Variants in CSMD3 observed in about 807,000 individuals in gnomAD.
The protein encoded by CSMD3 is CUB and Sushi multiple domains 3.
CSMD3 carries 177 observed loss-of-function variants against 435.2 expected under a neutral mutation model. The observed-to-expected ratio is 0.41, with a 90% CI of 0.36 to 0.46. The LOEUF (loss-of-function observed/expected upper bound fraction) is 0.46, where lower values mean the gene tolerates loss of function less well. CSMD3 is among the 20% of genes least tolerant of loss of function. The pLI is 0.34. For missense variants in CSMD3, 4,265 were observed against 4,504.6 expected, an observed-to-expected ratio of 0.95 and a Z score of 1.52; for synonymous variants, 1,656 against 1,520.5, an observed-to-expected ratio of 1.09 and a Z score of -2.07.
At chr8:113,392,155 T>C (rs2094463648) in intron 1 of CSMD3, among the ~76,000 whole-genome samples, 1 of 152,114 alleles carries the variant, frequency 6.6e-6, no homozygotes, top group Admixed American at 6.6e-5. Flanking sequence ...AATTTTTGTT[T>C]AAGGTGCTGT....
chr8:112,732,227 AAGATGCT>A (rs1259229491), intron 13 of CSMD3, among the ~76,000 whole-genome samples: 4 of 152,128 alleles, frequency 2.6e-5, no homozygotes, highest in Admixed American at 2.6e-4. Flanking sequence ...TCTTGCCTTC[AAGATGCT>A]AAGGAAGTAA....
chr8:113,364,343 ATAT>A (rs1451884318), intron 1 of CSMD3, among the ~76,000 whole-genome samples: 1 of 152,070 alleles, frequency 6.6e-6, no homozygotes, highest in Non-Finnish European at 1.5e-5. Flanking sequence ...GTTGAGGAGA[ATAT>A]TATTATCATA....
chr8:113,271,629 T>C (rs994474083), intron 3 of CSMD3, among the ~76,000 whole-genome samples: 2 of 152,156 alleles, frequency 1.3e-5, no homozygotes, highest in African/African-American at 4.8e-5. Context: ...GGCAAAAGTT[T>C]GCTGCAGGGG....
At position 112,335,492 on chromosome 8, in the gene CSMD3, G is replaced by A. The variant is rs2130949375; in HGVS notation, c.7020-18C>T. 1 of 1,612,416 alleles carries A rather than the reference G, an allele frequency of 6.2e-7. No homozygotes were observed. Among genetic ancestry groups the A allele is most frequent in the Non-Finnish European group, 8.5e-7 (1 of 1,178,556 alleles). On this transcript the variant is annotated intron_variant, in intron 44 of 70. Transcript: ENST00000297405. ...GTCCATCCCTATGAGACAAGGATTG[G>A]GAAAGGAGGAGAGATCAAGATTGAT...
intron 5 of CSMD3, among the ~76,000 whole-genome samples, chr8:113,032,771 T>G (rs898211534): frequency 2.0e-5 from 3 of 151,472 alleles, no homozygotes; most frequent in African/African-American, 7.3e-5. Context: ...GGAAAATGTC[T>G]CCAGGGCATG....
chr8:113,019,184 A>G lies in CSMD3; in HGVS notation c.918-5T>C. ...GGTATATTCATTCCAGATAACCTGA[A>G]TTACAAAAGACAACAACAAAAAAAT... On this transcript the variant is annotated splice_polypyrimidine_tract_variant and splice_region_variant and intron_variant, in intron 5 of 70. Coordinates refer to ENST00000297405, the MANE Select transcript of CSMD3 (RefSeq NM_198123.2). 6.3e-7 allele frequency: 1 copy of G among 1,586,650 alleles called. No individual in the cohort carries two copies. Among genetic ancestry groups the G allele is most frequent in the African/African-American group, 1.3e-5 (1 of 74,468 alleles).
intron 27 of CSMD3, among the ~76,000 whole-genome samples, chr8:112,537,160 A>G (rs1222797635): frequency 6.6e-6 from 1 of 152,026 alleles, no homozygotes; most frequent in Non-Finnish European, 1.5e-5. Context: ...CCTAAAACTT[A>G]AAGTATAATA....
intron 9 of CSMD3, among the ~76,000 whole-genome samples, chr8:112,925,038 C>G (rs539434004): frequency 6.6e-6 from 1 of 152,110 alleles, no homozygotes; most frequent in South Asian, 2.1e-4. Context: ...AATTTCATGT[C>G]ATAATTATAT....
At position 112,638,685 on chromosome 8, in the gene CSMD3, T is replaced by G; in HGVS notation, c.3526+11A>C. The G allele has an allele frequency of 6.6e-7, 1 of 1,521,748 alleles. No homozygotes were observed. The highest frequency in any genetic ancestry group is 9.1e-7 in the Non-Finnish European group (1 of 1,096,946). 94.3% of individuals were successfully genotyped at this position (1,521,748 alleles called of 1,614,324 possible). On this transcript the variant is annotated intron_variant, in intron 21 of 70. Transcript: ENST00000297405. ...TTACTGAATGAGCCCTTTTGTTTTT[T>G]ATTTTCTCACCAGAGAATGTTATGT... is the stretch of plus-strand genomic sequence containing the variant.
At chr8:113,207,307 A>C (rs2092782253) in intron 3 of CSMD3, among the ~76,000 whole-genome samples, 1 of 150,762 alleles carries the variant, frequency 6.6e-6, no homozygotes, top group Non-Finnish European at 1.5e-5. Context: ...TTTATTAAAA[A>C]ATTATTTTCA....
At chr8:113,350,551 C>G (rs1443945940) in intron 1 of CSMD3, among the ~76,000 whole-genome samples, 1 of 152,066 alleles carries the variant, frequency 6.6e-6, no homozygotes, top group African/African-American at 2.4e-5. Flanking sequence ...TTCTTAATGT[C>G]ACTTAAAATG....
chr8:113,242,554 T>C (rs67189331), intron 3 of CSMD3, among the ~76,000 whole-genome samples: 15,800 of 152,060 alleles, frequency 0.1, 958 homozygotes, highest in Middle Eastern at 0.17. Context: ...ATCATCAAAC[T>C]GCAGTCCGCT....
At chr8:112,528,847 T>G (rs1165963564) in intron 27 of CSMD3, among the ~76,000 whole-genome samples, 1 of 152,004 alleles carries the variant, frequency 6.6e-6, no homozygotes, top group Non-Finnish European at 1.5e-5. Flanking sequence ...AGGCCTTGGT[T>G]TGCACATGTA....
intron 7 of CSMD3, among the ~76,000 whole-genome samples, chr8:112,956,485 A>T (rs1564147195): frequency 6.6e-6 from 1 of 152,146 alleles, no homozygotes. Flanking sequence ...AATTATAAGT[A>T]GGAATCTACC....
In CSMD3 at chr8:113,335,358, T is replaced by C. The variant is rs77384284; in HGVS notation, c.179-20565A>G. On this transcript the variant is annotated intron_variant, in intron 1 of 70. Coordinates refer to ENST00000297405, the MANE Select transcript of CSMD3 (RefSeq NM_198123.2). ...TAATACAATGGTAATCTGTGTCATC[T>C]TTTTTCTTTGTCAGCTTTACCAGCA... Among the ~76,000 whole-genome samples the C allele has an allele frequency of 7.6e-3, 1,159 of 152,194 alleles. 18 individuals carry two copies. Among genetic ancestry groups the C allele is most frequent in the African/African-American group, 0.027 (1,109 of 41,530 alleles).
In CSMD3 at chr8:112,753,091, A is replaced by AT. The variant is rs201583374; in HGVS notation, c.1972+47070dup. On this transcript the variant is annotated intron_variant, in intron 13 of 70. Coordinates refer to ENST00000297405, the MANE Select transcript of CSMD3 (RefSeq NM_198123.2). ...CAGGCACATGCCACCACATCCAGCT[A>AT]TTTTTTTATCTACTATGTATATTTA... Among the ~76,000 whole-genome samples, 620 of 152,136 alleles carry AT rather than the reference A, an allele frequency of 4.1e-3. 14 individuals are homozygous for AT. The East Asian group carries it at 0.074, about 18-fold the overall frequency.
At chr8:113,326,268 T>C (rs2093983228) in intron 1 of CSMD3, among the ~76,000 whole-genome samples, 2 of 152,188 alleles carry the variant, frequency 1.3e-5, no homozygotes, top group Admixed American at 1.3e-4. Flanking sequence ...TAGAGTTCAG[T>C]TGATTACAAA....
At chr8:113,190,032 A>T (rs924657681) in intron 3 of CSMD3, among the ~76,000 whole-genome samples, 2 of 151,234 alleles carry the variant, frequency 1.3e-5, no homozygotes, top group East Asian at 2.0e-4. Context: ...TAAATTTATA[A>T]TTTTTTTTTA....
chr8:113,107,447 G>C (rs531663153), intron 4 of CSMD3, among the ~76,000 whole-genome samples: 1 of 152,300 alleles, frequency 6.6e-6, no homozygotes, highest in Admixed American at 6.5e-5. Flanking sequence ...GTTTCCGCCA[G>C]GTATTGGTTC....
Sources: allele counts gnomAD v4.1 joint callset (sites outside exome capture counted in the v4.1 genomes callset), GRCh38; gene constraint gnomAD v4.1.1; transcripts MANE v1.5; gene names NCBI Gene and HGNC (gene_info 2026-07-23, HGNC 2026-07-21).